Variants in KAZN observed in about 807,000 individuals in gnomAD.
KAZN encodes kazrin, periplakin interacting protein.
In KAZN, 40 loss-of-function variants were observed where a neutral mutation model predicts 87.4. The observed-to-expected ratio is 0.46, with a 90% confidence interval of 0.36 to 0.60. The LOEUF is 0.60. Ranked by LOEUF, KAZN falls within the 20% of genes least tolerant of loss-of-function variation. KAZN has a pLI of 0.00. For synonymous variants in KAZN, 466 were observed against 458.3 expected, an observed-to-expected ratio of 1.02 and a Z score of -0.22; for missense variants, 898 against 1,073.9, an observed-to-expected ratio of 0.84 and a Z score of 2.29.
intron 2 of KAZN, among the ~76,000 whole-genome samples, chr1:14,195,779 G>T (rs1300272409): frequency 4.6e-5 from 7 of 152,050 alleles, no homozygotes; most frequent in African/African-American, 1.7e-4. Flanking sequence ...TTGAGTTCCT[G>T]CTGTATGCTA....
intron 2 of KAZN, among the ~76,000 whole-genome samples, chr1:14,526,729 C>A (rs570590942): frequency 6.6e-6 from 1 of 152,250 alleles, no homozygotes; most frequent in Non-Finnish European, 1.5e-5. Flanking sequence ...CCCCTGGGAC[C>A]ATTTTCATAC....
intron 1 of KAZN, among the ~76,000 whole-genome samples, chr1:14,613,170 A>T (rs1677954765): frequency 6.6e-6 from 1 of 152,194 alleles, no homozygotes; most frequent in Non-Finnish European, 1.5e-5. Flanking sequence ...GGTTATGGTC[A>T]GTATCACAAG....
intron 1 of KAZN, among the ~76,000 whole-genome samples, chr1:14,143,024 C>T (rs796744688): frequency 1.3e-5 from 2 of 151,942 alleles, no homozygotes; most frequent in Non-Finnish European, 2.9e-5. Context: ...GTAATTATCT[C>T]GGGGATGGAG....
At chr1:14,883,540 A>C (rs1476127886) in intron 1 of KAZN, among the ~76,000 whole-genome samples, 1 of 147,176 alleles carries the variant, frequency 6.8e-6, no homozygotes, top group Non-Finnish European at 1.5e-5. Context: ...AGCCAAAGGG[A>C]GCATTATCTT....
chr1:14,275,818 C>A (rs1428974231), intron 2 of KAZN, among the ~76,000 whole-genome samples: 1 of 152,104 alleles, frequency 6.6e-6, no homozygotes. Context: ...TGCTTTCCAG[C>A]CTTTTTTACA....
rs536835660 is a variant in KAZN, at chr1:14,599,104, G to T, written c.107G>T (p.Arg36Ile). ...GCCGAACTCACGGCCACCAACCGGA[G>T]ACTGGCGGAACTGAGCGGCGGCGGC... is the stretch of plus-strand genomic sequence containing the variant. ...LRAELTATNR[R>I]LAELSGGGGP... Residue 36 changes from arginine to isoleucine, a missense_variant, in exon 1 of 15, where the codon AGA becomes ATA. This residue lies in a region of KAZN where 250 missense variants were observed against 263.0 expected (regional missense o/e 0.95). Coordinates refer to ENST00000376030, the MANE Select transcript of KAZN (RefSeq NM_201628.3). The surrounding 1 kb of genome is among the most constrained non-coding windows in gnomAD (Gnocchi z 4.4). 1.4e-4 allele frequency: 223 copies of T among 1,558,136 alleles called. 4 individuals carry two copies. The South Asian group carries it at 1.7e-3, about 12-fold the overall frequency.
intron 1 of KAZN, among the ~76,000 whole-genome samples, chr1:14,728,776 C>T (rs1009229228): frequency 1.3e-5 from 2 of 152,156 alleles, no homozygotes; most frequent in Admixed American, 6.5e-5. Flanking sequence ...ACGTCACTCC[C>T]TGGAACAAAT....
At chr1:14,232,142 C>A (rs1245898875) in intron 2 of KAZN, among the ~76,000 whole-genome samples, 1 of 152,084 alleles carries the variant, frequency 6.6e-6, no homozygotes, top group Admixed American at 6.5e-5. Context: ...AACATCTAGT[C>A]CCTTTGCCCC....
intron 1 of KAZN, among the ~76,000 whole-genome samples, chr1:14,147,806 AC>A (rs2101789097): frequency 1.3e-5 from 2 of 150,908 alleles, no homozygotes; most frequent in South Asian, 4.2e-4. Context: ...AAAAAAAAAA[AC>A]AACAAAAAAA....
chr1:14,733,130 G>A (rs1386142023), intron 1 of KAZN, among the ~76,000 whole-genome samples: 1 of 152,154 alleles, frequency 6.6e-6, no homozygotes, highest in Non-Finnish European at 1.5e-5. Flanking sequence ...TGGCTGCAAA[G>A]CGGATCAGCT....
intron 2 of KAZN, among the ~76,000 whole-genome samples, chr1:14,311,290 G>A (rs1314563589): frequency 1.3e-5 from 2 of 151,754 alleles, no homozygotes; most frequent in Admixed American, 1.3e-4. Flanking sequence ...ACCTCTTTAT[G>A]TCTTGGCTTC....
intron 1 of KAZN, among the ~76,000 whole-genome samples, chr1:14,056,546 A>G (rs903081515): frequency 6.6e-6 from 1 of 152,254 alleles, no homozygotes; most frequent in East Asian, 1.9e-4. Context: ...CTCCAGAATT[A>G]TAAGAGAATA....
intron 2 of KAZN, among the ~76,000 whole-genome samples, chr1:14,381,370 CA>C (rs56935595): frequency 0.066 from 9,414 of 141,942 alleles, 496 homozygotes; most frequent in East Asian, 0.29. Context: ...ACCGGACAAT[CA>C]AAAAAAAAAA....
chr1:14,444,699 G>A (rs1174692912), intron 2 of KAZN, among the ~76,000 whole-genome samples: 2 of 152,016 alleles, frequency 1.3e-5, no homozygotes, highest in African/African-American at 4.8e-5. Flanking sequence ...ATGCAGCTTG[G>A]GTATTTACTC....
chr1:14,424,464 G>C, intron 2 of KAZN, among the ~76,000 whole-genome samples: 1 of 152,150 alleles, frequency 6.6e-6, no homozygotes, highest in East Asian at 1.9e-4. Context: ...TCCCCAGCAA[G>C]CGAGTGCCTT....
At chr1:15,023,961 T>C (rs1047060044) in intron 2 of KAZN, among the ~76,000 whole-genome samples, 2 of 152,072 alleles carry the variant, frequency 1.3e-5, no homozygotes, top group Non-Finnish European at 2.9e-5. Flanking sequence ...ACAGGAAGGC[T>C]AAGGCCACTG....
At chr1:14,946,825 A>G (rs1262750880) in intron 1 of KAZN, among the ~76,000 whole-genome samples, 1 of 152,190 alleles carries the variant, frequency 6.6e-6, no homozygotes, top group Non-Finnish European at 1.5e-5. Context: ...TCTCCAGCTC[A>G]TGGTATAGCC....
In KAZN at chr1:14,621,820, C is replaced by G. The variant is rs961393983; in HGVS notation, c.226+22597C>G. ...TTCTGCCATGACTGTGAGGCCCCCC[C>G]TCAACCATGTGGAACTGTGAGTCCA... On this transcript the variant is annotated intron_variant, in intron 1 of 14. Transcript: ENST00000376030. Among the ~76,000 whole-genome samples the G allele has an allele frequency of 5.3e-5, 8 of 152,218 alleles. No individual in the cohort carries two copies. The South Asian group carries it at 1.4e-3, about 28-fold the overall frequency.
intron 1 of KAZN, among the ~76,000 whole-genome samples, chr1:14,090,569 C>T (rs1643953120): frequency 6.6e-6 from 1 of 152,160 alleles, no homozygotes; most frequent in Non-Finnish European, 1.5e-5. Flanking sequence ...TTAAAATGCT[C>T]TTGTTTATTA....
Sources: allele counts gnomAD v4.1 joint callset (sites outside exome capture counted in the v4.1 genomes callset), GRCh38; gene constraint gnomAD v4.1.1; regional missense constraint gnomAD v4.1.1; non-coding constraint Gnocchi (gnomAD v3.1); transcripts MANE v1.5; gene names NCBI Gene and HGNC (gene_info 2026-07-23, HGNC 2026-07-21).